TBC1D22B: variants seen among roughly 807,000 people sequenced by gnomAD.
TBC1D22B encodes the protein TBC1 domain family member 22B.
Under a neutral mutation model 69.1 loss-of-function variants are expected in TBC1D22B, and 32 were observed. That is an observed-to-expected ratio of 0.46 (90% CI 0.35 to 0.62). TBC1D22B has a LOEUF of 0.62. Ranked by LOEUF, TBC1D22B falls within the 20% of genes least tolerant of loss-of-function variation. The probability of loss-of-function intolerance (pLI) is 0.00; values close to 1 mark genes in which losing one functional copy is unlikely to be tolerated. For missense variants in TBC1D22B, 462 were observed against 630.9 expected, an observed-to-expected ratio of 0.73 and a Z score of 2.87; for synonymous variants, 206 against 229.8, an observed-to-expected ratio of 0.90 and a Z score of 0.94.
intron 2 of TBC1D22B, 98 bp from the exon 3 acceptor site, chr6:37,279,206 G>T: frequency 8.5e-7 from 1 of 1,178,560 alleles, no homozygotes; most frequent in Non-Finnish European, 1.2e-6. Context: ...GATTATGTAT[G>T]TGGTAGTTTG....
chr6:37,265,279 C>T (rs1766235174), intron 1 of TBC1D22B, among the ~76,000 whole-genome samples: 1 of 152,226 alleles, frequency 6.6e-6, no homozygotes, highest in African/African-American at 2.4e-5. Flanking sequence ...TTGATGGCCT[C>T]TGGCCCTTCA....
At chr6:37,294,276 T>C (rs926464549) in intron 8 of TBC1D22B, among the ~76,000 whole-genome samples, 3 of 152,046 alleles carry the variant, frequency 2.0e-5, no homozygotes, top group Non-Finnish European at 2.9e-5. Context: ...GCTAAAGCAA[T>C]CCTCCTGCCC....
chr6:37,265,849 G>A (rs1766255888), intron 1 of TBC1D22B, among the ~76,000 whole-genome samples: 1 of 152,272 alleles, frequency 6.6e-6, no homozygotes, highest in African/African-American at 2.4e-5. Context: ...CAATGTGAAA[G>A]TGATTGATTT....
At chr6:37,294,611 C>G (rs1046324301) in intron 8 of TBC1D22B, among the ~76,000 whole-genome samples, 3 of 152,138 alleles carry the variant, frequency 2.0e-5, no homozygotes, top group African/African-American at 7.2e-5. Context: ...TTCCAAAAAC[C>G]CTAGGGACCT....
At chr6:37,291,184 G>T in intron 7 of TBC1D22B, 59 bp from the exon 8 acceptor site, 2 of 1,208,858 alleles carry the variant, frequency 1.7e-6, no homozygotes, top group South Asian at 1.2e-5. Flanking sequence ...GGTAAACGGA[G>T]GGAAGGAGTG....
intron 7 of TBC1D22B, among the ~76,000 whole-genome samples, chr6:37,287,698 G>A (rs183462392): frequency 6.6e-6 from 1 of 152,310 alleles, no homozygotes; most frequent in East Asian, 1.9e-4. Context: ...GTTGTTGCAT[G>A]TGTGAATTTC....
chr6:37,316,910 G>A, intron 11 of TBC1D22B, 80 bp downstream of exon 11: 4 of 1,594,694 alleles, frequency 2.5e-6, no homozygotes, highest in African/African-American at 1.3e-5. Context: ...GAATGTAGCT[G>A]CTTAGAAGCT....
At chr6:37,315,200 T>C (rs560521004) in intron 10 of TBC1D22B, among the ~76,000 whole-genome samples, 2 of 152,290 alleles carry the variant, frequency 1.3e-5, no homozygotes, top group African/African-American at 4.8e-5. Flanking sequence ...GCATAATACT[T>C]TGGAATAGTG....
At chr6:37,282,787 A>T in intron 4 of TBC1D22B, 95 bp from the exon 5 acceptor site, 3 of 1,215,122 alleles carry the variant, frequency 2.5e-6, no homozygotes, top group Non-Finnish European at 3.6e-6. Flanking sequence ...TGGTGGTCTT[A>T]CATGGATGGA....
At chr6:37,306,335 G>C (rs195742) in intron 8 of TBC1D22B, among the ~76,000 whole-genome samples, 133,299 of 152,254 alleles carry the variant, frequency 0.88, 58,386 homozygotes, top group South Asian at 0.91. Flanking sequence ...CCAACATATT[G>C]AAGATATTTG....
In TBC1D22B at chr6:37,307,673, G is replaced by T. The variant is rs186874412; in HGVS notation, c.983-5245G>T. ...CTGGCCTGTTATCAGAAAATATTAC[G>T]CAAGGTATTCTTATGAGTCCGGTTC... On this transcript the variant is annotated intron_variant, in intron 8 of 12. Coordinates refer to ENST00000373491, the MANE Select transcript of TBC1D22B (RefSeq NM_017772.4). Among the ~76,000 whole-genome samples, 7 of 152,192 alleles carry T rather than the reference G, an allele frequency of 4.6e-5. No individual in the cohort carries two copies. The East Asian group carries it at 5.8e-4, about 13-fold the overall frequency.
intron 8 of TBC1D22B, among the ~76,000 whole-genome samples, chr6:37,303,671 T>G (rs1310908284): frequency 6.6e-6 from 1 of 152,226 alleles, no homozygotes; most frequent in African/African-American, 2.4e-5. Flanking sequence ...CCCTGTGACC[T>G]GCTCCCTGCT....
intron 12 of TBC1D22B, among the ~76,000 whole-genome samples, chr6:37,321,922 A>G (rs1435312533): frequency 6.6e-6 from 1 of 152,204 alleles, no homozygotes; most frequent in Non-Finnish European, 1.5e-5. Flanking sequence ...AAAGTCATCA[A>G]CCTGCATGCT....
intron 12 of TBC1D22B, among the ~76,000 whole-genome samples, chr6:37,321,484 G>A (rs912504350): frequency 3.9e-5 from 6 of 152,144 alleles, no homozygotes; most frequent in Non-Finnish European, 8.8e-5. Flanking sequence ...ACAAAAACTT[G>A]TTGTTTTAAA....
At chr6:37,307,296 A>AT (rs966454933) in intron 8 of TBC1D22B, among the ~76,000 whole-genome samples, 2 of 149,456 alleles carry the variant, frequency 1.3e-5, no homozygotes, top group African/African-American at 2.5e-5. Flanking sequence ...GGTCAAAAAT[A>AT]TTTTTTTATT....
At chr6:37,275,702 G>A (rs1562044125) in intron 2 of TBC1D22B, among the ~76,000 whole-genome samples, 1 of 152,008 alleles carries the variant, frequency 6.6e-6, no homozygotes, top group Admixed American at 6.6e-5. Flanking sequence ...TTTAGCATAG[G>A]GTCTGGTGAG....
chr6:37,316,727 G>A lies in TBC1D22B; in HGVS notation c.1190G>A (p.Arg397Lys), dbSNP rs773588312. Residue 397 changes from arginine (R) to lysine (K), a missense_variant, in exon 11 of 13, where the codon AGG (arginine) becomes AAG (lysine). Transcript: ENST00000373491. ...IDEQVHNHFR[R>K]YEVEYLQFAF... is the part of the protein sequence containing the mutation. ...GAGCAGGTACATAATCACTTCAGGA[G>A]GTACGAGGTAGAATACCTGCAGTTT... 1.9e-6 allele frequency: 3 copies of A among 1,614,182 alleles called. No individual in the cohort carries two copies. The highest frequency in any genetic ancestry group is 2.5e-6 in the Non-Finnish European group (3 of 1,180,038).
At chr6:37,324,968 C>T (rs1356467542) in intron 12 of TBC1D22B, among the ~76,000 whole-genome samples, 1 of 152,132 alleles carries the variant, frequency 6.6e-6, no homozygotes. Flanking sequence ...CATCTAGAGC[C>T]CCATCTGTTA....
intron 2 of TBC1D22B, among the ~76,000 whole-genome samples, chr6:37,270,379 A>G (rs1314862564): frequency 6.6e-6 from 1 of 152,182 alleles, no homozygotes; most frequent in Non-Finnish European, 1.5e-5. Flanking sequence ...TGAACCCAGG[A>G]GGCAGAGGTT....
Sources: allele counts gnomAD v4.1 joint callset (sites outside exome capture counted in the v4.1 genomes callset), GRCh38; gene constraint gnomAD v4.1.1; transcripts MANE v1.5; gene names NCBI Gene and HGNC (gene_info 2026-07-23, HGNC 2026-07-21).